PTPRM: variants seen among roughly 807,000 people sequenced by gnomAD.
The protein encoded by PTPRM is protein tyrosine phosphatase receptor type M.
Under a neutral mutation model 186.7 loss-of-function variants are expected in PTPRM, and 47 were observed. The observed-to-expected ratio is 0.25, with a 90% confidence interval of 0.20 to 0.32. The LOEUF (loss-of-function observed/expected upper bound fraction) is 0.32, where lower values mean the gene tolerates loss of function less well. Ranked by LOEUF, PTPRM falls within the 10% of genes least tolerant of loss-of-function variation. The pLI is 1.00. For synonymous variants in PTPRM, 668 were observed against 674.9 expected (o/e 0.99, Z 0.16); for missense variants, 1,494 against 1,865.0 (o/e 0.80, Z 3.66).
intron 14 of PTPRM, among the ~76,000 whole-genome samples, chr18:8,188,270 TCCCATA>T (rs1303417959): frequency 2.6e-5 from 4 of 152,236 alleles, no homozygotes; most frequent in Non-Finnish European, 5.9e-5. Flanking sequence ...GAAAGGCTCC[TCCCATA>T]CTGTGGACAA....
At chr18:8,086,076 G>A (rs969261628) in intron 10 of PTPRM, among the ~76,000 whole-genome samples, 4 of 152,132 alleles carry the variant, frequency 2.6e-5, no homozygotes, top group Admixed American at 1.3e-4. Context: ...CACATGTTAG[G>A]AAGTGGCTAT....
chr18:8,253,836 G>A (rs2094551471), intron 19 of PTPRM, among the ~76,000 whole-genome samples: 1 of 152,164 alleles, frequency 6.6e-6, no homozygotes, highest in African/African-American at 2.4e-5. Flanking sequence ...AAGGAAGAAT[G>A]CTTTGCCTTT....
At chr18:7,601,579 C>G (rs964674159) in intron 1 of PTPRM, among the ~76,000 whole-genome samples, 1 of 152,230 alleles carries the variant, frequency 6.6e-6, no homozygotes, top group African/African-American at 2.4e-5. Flanking sequence ...CCTCCGTCTT[C>G]ACATCACCTT....
chr18:7,843,437 T>C (rs1018785120), intron 2 of PTPRM, among the ~76,000 whole-genome samples: 3 of 152,322 alleles, frequency 2.0e-5, no homozygotes, highest in Middle Eastern at 3.4e-3. Flanking sequence ...CCCTTATAGA[T>C]AGTTTATTCA....
chr18:7,892,957 T>A (rs940735214), intron 3 of PTPRM, among the ~76,000 whole-genome samples: 3 of 152,122 alleles, frequency 2.0e-5, no homozygotes, highest in African/African-American at 7.2e-5. Flanking sequence ...ATACCACCAT[T>A]TTTGGGATTA....
chr18:8,160,521 A>G (rs1181709115), intron 14 of PTPRM, among the ~76,000 whole-genome samples: 1 of 152,094 alleles, frequency 6.6e-6, no homozygotes, highest in African/African-American at 2.4e-5. Context: ...TCTTGAACTC[A>G]GGGCCTCAAG....
intron 2 of PTPRM, among the ~76,000 whole-genome samples, chr18:7,818,031 G>A (rs1266736525): frequency 6.6e-6 from 1 of 152,166 alleles, no homozygotes; most frequent in Non-Finnish European, 1.5e-5. Flanking sequence ...GGGCAGCCTA[G>A]GGATTTTGCA....
chr18:8,379,306 A>C lies in PTPRM; in HGVS notation c.3752A>C (p.Glu1251Ala). The change falls in exon 28 of 33, where the codon GAG becomes GCG. Residue 1251 changes from glutamate (E) to alanine (A), a missense_variant. Glu to Ala is a moderately radical substitution (Grantham distance 107). Transcript: ENST00000580170. ...CLPFLITIDG[E>A]SSNYINAALM... ...CCCTTCCTCATCACCATCGATGGGG[A>C]GAGCAGCAACTACATCAATGCTGCC... 6 of 1,613,678 alleles carry C rather than the reference A, an allele frequency of 3.7e-6. No individual in the cohort carries two copies. Among genetic ancestry groups the C allele is most frequent in the Non-Finnish European group, 5.1e-6 (6 of 1,179,884 alleles).
chr18:7,723,235 G>A (rs1053772832), intron 1 of PTPRM, among the ~76,000 whole-genome samples: 6 of 152,110 alleles, frequency 3.9e-5, no homozygotes, highest in Admixed American at 1.3e-4. Flanking sequence ...CATTCCCAGC[G>A]CTGCTGGTAT....
intron 1 of PTPRM, among the ~76,000 whole-genome samples, chr18:7,763,011 G>A (rs2041848337): frequency 6.6e-6 from 1 of 152,046 alleles, no homozygotes; most frequent in Admixed American, 6.5e-5. Flanking sequence ...CATTCTATAG[G>A]GCCCACATTC....
At chr18:7,930,597 C>T (rs934851735) in intron 5 of PTPRM, among the ~76,000 whole-genome samples, 2 of 151,916 alleles carry the variant, frequency 1.3e-5, no homozygotes, top group Non-Finnish European at 2.9e-5. Context: ...TCTACTATAC[C>T]GTCTTGTTGA....
intron 4 of PTPRM, among the ~76,000 whole-genome samples, chr18:7,912,041 G>A (rs141997625): frequency 1.5e-3 from 228 of 151,782 alleles, no homozygotes; most frequent in African/African-American, 5.0e-3. Flanking sequence ...TAGTAGAGAC[G>A]CGGTTTCACC....
chr18:8,093,521 A>G (rs1012376188), intron 11 of PTPRM, among the ~76,000 whole-genome samples: 3 of 152,236 alleles, frequency 2.0e-5, no homozygotes, highest in Non-Finnish European at 4.4e-5. Context: ...AGAATCATAA[A>G]TAGAATTCAT....
intron 5 of PTPRM, among the ~76,000 whole-genome samples, chr18:7,942,850 C>A (rs1031947061): frequency 2.0e-5 from 3 of 152,130 alleles, no homozygotes; most frequent in South Asian, 2.1e-4. Context: ...CCTCATTTCT[C>A]CTCCATTAGT....
intron 3 of PTPRM, among the ~76,000 whole-genome samples, chr18:7,900,973 A>G (rs1245706151): frequency 6.6e-6 from 1 of 152,212 alleles, no homozygotes; most frequent in Non-Finnish European, 1.5e-5. Context: ...TGAACATGGC[A>G]CATCCCCAGA....
At chr18:8,014,592 G>A (rs1004063532) in intron 7 of PTPRM, among the ~76,000 whole-genome samples, 1 of 152,158 alleles carries the variant, frequency 6.6e-6, no homozygotes, top group East Asian at 1.9e-4. Context: ...AAATGTAAAA[G>A]TATATATTAG....
intron 11 of PTPRM, among the ~76,000 whole-genome samples, chr18:8,097,356 C>T (rs951794148): frequency 1.3e-5 from 2 of 152,094 alleles, no homozygotes; most frequent in Non-Finnish European, 2.9e-5. Flanking sequence ...CCAGTTCCAT[C>T]TCATCTCTAC....
intron 4 of PTPRM, among the ~76,000 whole-genome samples, chr18:7,916,658 A>G (rs2050576988): frequency 6.6e-6 from 1 of 152,204 alleles, no homozygotes; most frequent in African/African-American, 2.4e-5. Context: ...AAAACAAAAA[A>G]TAAATCGACA....
At chr18:8,065,458 T>C (rs1432087418) in intron 7 of PTPRM, among the ~76,000 whole-genome samples, 3 of 152,134 alleles carry the variant, frequency 2.0e-5, no homozygotes, top group South Asian at 4.1e-4. Context: ...GCTCACTGAC[T>C]GAGCTTCCTG....
Sources: gnomAD v4.1 joint callset for allele counts (sites outside exome capture counted in the v4.1 genomes callset) on GRCh38, gnomAD v4.1.1 for gene constraint, MANE v1.5 for transcripts, NCBI Gene and HGNC (gene_info 2026-07-23, HGNC 2026-07-21) for gene names.